The following CINP variants were observed in gnomAD, a reference collection of about 807,000 sequenced individuals.
CINP encodes the protein cyclin-dependent kinase 2-interacting protein.
In CINP, 11 loss-of-function variants were observed where a neutral mutation model predicts 20.5. That is an observed-to-expected ratio of 0.54 (90% CI 0.34 to 0.89). The LOEUF is 0.89. CINP is among the 40% of genes least tolerant of loss of function. The pLI is 0.02. For missense variants in CINP, 213 were observed against 251.0 expected (o/e 0.85, Z 1.02); for synonymous variants, 108 against 102.1 (o/e 1.06, Z -0.35).
intron 2 of CINP, among the ~76,000 whole-genome samples, chr14:102,357,917 TC>T (rs1390938345): frequency 2.0e-4 from 31 of 152,346 alleles, no homozygotes; most frequent in Middle Eastern, 6.8e-3. Context: ...TACAGAGAAG[TC>T]AATGACAGGC....
At chr14:102,352,303 C>T (rs1886885723) in intron 3 of CINP, 1 of 267,708 alleles carries the variant, frequency 3.7e-6, no homozygotes, top group African/African-American at 2.3e-5. Context: ...ATTCTGGAGC[C>T]TTGACCCCAG....
At chr14:102,357,229 G>T (rs1047143846) in intron 2 of CINP, among the ~76,000 whole-genome samples, 9 of 151,760 alleles carry the variant, frequency 5.9e-5, no homozygotes, top group Admixed American at 2.0e-4. Flanking sequence ...AAATACAAAA[G>T]AAATTAGCTG....
At chr14:102,361,565 C>T (rs1416159442) in intron 1 of CINP, among the ~76,000 whole-genome samples, 2 of 152,160 alleles carry the variant, frequency 1.3e-5, no homozygotes, top group African/African-American at 2.4e-5. Context: ...GGCGTGAACC[C>T]GGGAGGCGGA....
At chr14:102,355,543 G>T in intron 3 of CINP, 1 of 457,936 alleles carries the variant, frequency 2.2e-6, no homozygotes, top group Non-Finnish European at 3.9e-6. Context: ...TTTACTATGT[G>T]ATGAGCCCTG....
At chr14:102,355,359 G>A (rs558232388) in intron 3 of CINP, among the ~76,000 whole-genome samples, 1 of 151,958 alleles carries the variant, frequency 6.6e-6, no homozygotes, top group East Asian at 1.9e-4. Flanking sequence ...AACTAAAAAT[G>A]CAAAAATTAG....
At position 102,348,400 on chromosome 14, in the gene CINP, A is replaced by G. The variant is rs567803918; in HGVS notation, c.*157T>C. ...CTGGCCGCGGGTTGTGGGCATGAGC[A>G]CGCCTGGAGAGGCCATGGGGCTGGT... On this transcript the variant is annotated 3_prime_UTR_variant, in exon 5 of 5. Transcript: ENST00000216756. The G allele has an allele frequency of 1.7e-4, 109 of 658,012 alleles. No homozygotes were observed. The African/African-American group carries it at 1.8e-3, about 11-fold the overall frequency. 40.8% of individuals were successfully genotyped at this position (658,012 alleles called of 1,614,324 possible).
At position 102,359,886 on chromosome 14, in the gene CINP, T is replaced by C. The variant is rs563449734; in HGVS notation, c.8-299A>G. Among the ~76,000 whole-genome samples the C allele has an allele frequency of 2.6e-5, 4 of 152,320 alleles. No homozygotes were observed. In the South Asian group the frequency reaches 8.3e-4, roughly 32 times the overall value. ...CCAAAGATTGGAAATAAGGTAAAGT[T>C]GTGACTGTCTGCTAAAACTCTTCAA... On this transcript the variant is annotated intron_variant, in intron 1 of 4. Coordinates refer to ENST00000216756, the MANE Select transcript of CINP (RefSeq NM_032630.3).
At chr14:102,361,228 A>G (rs920302357) in intron 1 of CINP, among the ~76,000 whole-genome samples, 6 of 152,198 alleles carry the variant, frequency 3.9e-5, no homozygotes, top group Admixed American at 3.9e-4. Flanking sequence ...GAGTTCAAAA[A>G]ACAGAAAACA....
intron 3 of CINP, among the ~76,000 whole-genome samples, 170 bp from the exon 4 acceptor site, chr14:102,350,218 A>G (rs986007417): frequency 6.6e-6 from 1 of 152,170 alleles, no homozygotes; most frequent in Non-Finnish European, 1.5e-5. Flanking sequence ...ATGAAGGTGG[A>G]CAGTTGCTAT....
At chr14:102,348,835 A>T in intron 4 of CINP, 76 bp from the exon 5 acceptor site, 1 of 1,372,078 alleles carries the variant, frequency 7.3e-7, no homozygotes, top group Non-Finnish European at 1.0e-6. Flanking sequence ...CTACATTTTA[A>T]CAGCTCTTGA....
At chr14:102,352,565 A>G in intron 3 of CINP, 1 of 455,872 alleles carries the variant, frequency 2.2e-6, no homozygotes, top group Non-Finnish European at 4.4e-6. Context: ...TCTATAACGG[A>G]TAGAGGAAAA....
intron 3 of CINP, among the ~76,000 whole-genome samples, chr14:102,350,880 C>T (rs1005632731): frequency 2.7e-5 from 4 of 145,482 alleles, no homozygotes; most frequent in African/African-American, 1.0e-4. Context: ...GGCTGGAGTG[C>T]AGTGGCGAGA....
chr14:102,353,756 C>T (rs974783516), intron 3 of CINP, among the ~76,000 whole-genome samples: 1 of 151,844 alleles, frequency 6.6e-6, no homozygotes, highest in Non-Finnish European at 1.5e-5. Flanking sequence ...CAAGGGGACT[C>T]GATGTCATAC....
rs1887121701 is a variant in CINP, at chr14:102,360,718, C to T, written c.8-1131G>A. Among the ~76,000 whole-genome samples, 14 of 152,298 alleles carry T rather than the reference C, an allele frequency of 9.2e-5. No individual in the cohort carries two copies. The South Asian group carries it at 2.9e-3, about 32-fold the overall frequency. Reference sequence around the variant, plus strand: ...AAACCCAGTATCTCACCTGTTAGCTCAAGGGCCTCTACTATCCAAGCTCTG... The same window carrying T: ...AAACCCAGTATCTCACCTGTTAGCTTAAGGGCCTCTACTATCCAAGCTCTG... On this transcript the variant is annotated intron_variant, in intron 1 of 4. Coordinates refer to ENST00000216756, the MANE Select transcript of CINP (RefSeq NM_032630.3).
intron 2 of CINP, 105 bp from the exon 3 acceptor site, chr14:102,356,002 C>T: frequency 1.7e-6 from 2 of 1,169,826 alleles, no homozygotes; most frequent in Non-Finnish European, 2.4e-6. Context: ...TTACGTGGGA[C>T]ATTTTGCATA....
chr14:102,353,058 A>G (rs1886905478), intron 3 of CINP, among the ~76,000 whole-genome samples: 1 of 151,278 alleles, frequency 6.6e-6, no homozygotes, highest in South Asian at 2.1e-4. Context: ...AATCACTTGA[A>G]CCCAGGAGGC....
chr14:102,362,757 G>A (rs1887199862), intron 1 of CINP, 88 bp downstream of exon 1: 1 of 1,544,994 alleles, frequency 6.5e-7, no homozygotes, highest in Non-Finnish European at 8.9e-7. Context: ...TGTAATCCGG[G>A]GAGCTCCTGA....
intron 1 of CINP, 43 bp downstream of exon 1, chr14:102,362,802 T>G (rs779053665): frequency 1.3e-5 from 21 of 1,613,048 alleles, no homozygotes; most frequent in East Asian, 8.9e-5. Context: ...AGCAGTAACA[T>G]TCACAGCCAC....
At chr14:102,352,900 C>T (rs184135770) in intron 3 of CINP, among the ~76,000 whole-genome samples, 3 of 151,966 alleles carry the variant, frequency 2.0e-5, no homozygotes, top group Non-Finnish European at 4.4e-5. Flanking sequence ...CCACCTGCCT[C>T]GGCCTCCTAG....
Sources: gnomAD v4.1 joint callset for allele counts (sites outside exome capture counted in the v4.1 genomes callset) on GRCh38, gnomAD v4.1.1 for gene constraint, MANE v1.5 for transcripts, NCBI Gene and HGNC (gene_info 2026-07-23, HGNC 2026-07-21) for gene names.